RAP1GAP: variants seen among roughly 807,000 people sequenced by gnomAD.
RAP1GAP encodes RAP1 GTPase activating protein, also known as rap1 GTPase-activating protein 1.
Under a neutral mutation model 87.2 loss-of-function variants are expected in RAP1GAP, and 35 were observed. The ratio of observed to expected loss-of-function variants is 0.40; its 90% CI spans 0.31 to 0.53. RAP1GAP has a LOEUF of 0.53. RAP1GAP is among the 20% of genes least tolerant of loss of function. The pLI, the probability that RAP1GAP is intolerant of heterozygous loss-of-function variation, is 0.48. For missense variants in RAP1GAP, 734 were observed against 898.9 expected, an observed-to-expected ratio of 0.82 and a Z score of 2.35; for synonymous variants, 375 against 363.9, an observed-to-expected ratio of 1.03 and a Z score of -0.35.
intron 1 of RAP1GAP, among the ~76,000 whole-genome samples, chr1:21,653,538 G>A (rs2096715995): frequency 7.1e-6 from 1 of 140,988 alleles, no homozygotes; most frequent in Non-Finnish European, 1.6e-5. Context: ...CCTGAGAAGG[G>A]AGGAACTTCC....
chr1:21,634,057 CCGG>C lies in RAP1GAP; in HGVS notation c.-112-7663_-112-7661del, dbSNP rs1323601421. On this transcript the variant is annotated intron_variant, in intron 2 of 24. Coordinates refer to ENST00000374765, the MANE Select transcript of RAP1GAP (RefSeq NM_002885.4). This position sits in a 1 kb window ranked among gnomAD's most constrained non-coding sequence, Gnocchi z 4.1. ...GTGGCTGCCCCAGAACTGCCCCCTC[CCGG>C]GGGGGGGGGGGGGCCACAGAAGCCC... Among the ~76,000 whole-genome samples the C allele has an allele frequency of 5.3e-4, 9 of 17,054 alleles. No individual in the cohort carries two copies. The highest frequency in any genetic ancestry group is 1.8e-3 in the African/African-American group (9 of 4,958). 11.2% of individuals were successfully genotyped at this position (17,054 alleles called of 152,430 possible).
chr1:21,598,101 C>A, intron 22 of RAP1GAP, 37 bp from the exon 23 acceptor site: 1 of 1,352,404 alleles, frequency 7.4e-7, no homozygotes, highest in Non-Finnish European at 1.0e-6. Context: ...CCTCACTGGC[C>A]GCGGGGAGGC....
chr1:21,618,767 A>AGACC, intron 5 of RAP1GAP, among the ~76,000 whole-genome samples: 1 of 152,098 alleles, frequency 6.6e-6, no homozygotes, highest in South Asian at 2.1e-4. Flanking sequence ...GCAGCAGTGA[A>AGACC]GACCGAGAGG....
intron 5 of RAP1GAP, 97 bp downstream of exon 5, chr1:21,618,928 A>C (rs1269677852): frequency 7.3e-7 from 1 of 1,363,050 alleles, no homozygotes; most frequent in African/African-American, 1.4e-5. Flanking sequence ...TACTTGCTGA[A>C]AGGGGATGGA....
chr1:21,628,907 G>A (rs1287278541), intron 2 of RAP1GAP, among the ~76,000 whole-genome samples: 1 of 151,912 alleles, frequency 6.6e-6, no homozygotes, highest in Non-Finnish European at 1.5e-5. Context: ...AAAAGGAGGG[G>A]GGAAGGGAGG....
At chr1:21,631,776 G>T (rs2093789586) in intron 2 of RAP1GAP, among the ~76,000 whole-genome samples, 1 of 152,198 alleles carries the variant, frequency 6.6e-6, no homozygotes, top group Non-Finnish European at 1.5e-5. Flanking sequence ...GCTCAGAGAG[G>T]TTCAGTGACA....
intron 1 of RAP1GAP, chr1:21,651,545 A>G (rs1294509153): frequency 3.0e-6 from 2 of 677,400 alleles, no homozygotes; most frequent in Non-Finnish European, 5.6e-6. Flanking sequence ...ACCTCCCCAC[A>G]CATGCACATG....
chr1:21,634,478 G>T lies in RAP1GAP; in HGVS notation c.-112-8081C>A, dbSNP rs1363229005. The stretch of plus-strand genomic sequence containing the variant: ...GCAGAGGCTTAGTGAGGTTTATGAT[G>T]GGCCAAGGGCCTCAACAGCTACCAA... On this transcript the variant is annotated intron_variant, in intron 2 of 24. Coordinates refer to ENST00000374765, the MANE Select transcript of RAP1GAP (RefSeq NM_002885.4). The surrounding 1 kb of genome is among the most constrained non-coding windows in gnomAD (Gnocchi z 4.1). Among the ~76,000 whole-genome samples, 1 of 152,216 alleles carries T rather than the reference G, an allele frequency of 6.6e-6. No homozygotes were observed. The highest frequency in any genetic ancestry group is 1.5e-5 in the Non-Finnish European group (1 of 68,024).
chr1:21,608,112 C>A, intron 17 of RAP1GAP, 101 bp downstream of exon 17: 1 of 1,514,190 alleles, frequency 6.6e-7, no homozygotes, highest in Non-Finnish European at 8.9e-7. Flanking sequence ...TTCTGCCAGA[C>A]TCCACCCCCA....
rs2089277392 is a variant in RAP1GAP at position 21,622,607 on chromosome 1, C to A, written c.-18-2557G>T. The A allele has an allele frequency of 6.8e-6, 1 of 146,384 alleles. No homozygotes were observed. The highest frequency in any genetic ancestry group is 1.5e-5 in the Non-Finnish European group (1 of 65,830). The allele number at this position is 146,384 out of a possible 1,614,324, so 9.1% of individuals were successfully genotyped here. Reference sequence around the variant, plus strand: ...GGGGCGGGGCGCCAGGTACGGGCGGCACGGCGCGGGGCGGGGCGGGGCGGG... The same window carrying A: ...GGGGCGGGGCGCCAGGTACGGGCGGAACGGCGCGGGGCGGGGCGGGGCGGG... On this transcript the variant is annotated intron_variant, in intron 3 of 24. Coordinates refer to ENST00000374765, the MANE Select transcript of RAP1GAP (RefSeq NM_002885.4). The surrounding 1 kb of genome is among the most constrained non-coding windows in gnomAD (Gnocchi z 5.7).
intron 2 of RAP1GAP, among the ~76,000 whole-genome samples, chr1:21,639,864 G>A (rs1394145694): frequency 1.3e-5 from 2 of 152,226 alleles, no homozygotes; most frequent in Non-Finnish European, 2.9e-5. Flanking sequence ...CTCTGTGGGT[G>A]AGAATGGAGA....
intron 13 of RAP1GAP, 67 bp downstream of exon 13, chr1:21,611,385 G>T (rs970085517): frequency 4.3e-5 from 66 of 1,549,598 alleles, no homozygotes; most frequent in Non-Finnish European, 5.3e-5. Flanking sequence ...CGTGATGGAG[G>T]CTGAACAGAC....
Position 21,599,611 on chromosome 1 carries a change from C to T in RAP1GAP, c.1659G>A (p.Glu553=), listed in dbSNP as rs1380942570. ...GCGCCTCTGCTCTCTGCGCTGCGGT[C>T]TCCGCTCTGCCACAGACAGTGCCCC... The part of the protein sequence containing the change: ...PEMPTTKNRA[E]TAAQRAEALK... Residue 553 remains glutamate, a synonymous_variant, in exon 21 of 25, where the codon GAG becomes GAA. Transcript: ENST00000374765. 12 of 1,604,926 alleles carry T rather than the reference C, an allele frequency of 7.5e-6. No homozygotes were observed. The highest frequency in any genetic ancestry group is 1.3e-5 in the African/African-American group (1 of 74,890).
rs2096911574 is a variant in RAP1GAP, at chr1:21,657,456, T to G, written c.-148-7660A>C. Among the ~76,000 whole-genome samples, 3 of 152,196 alleles carry G rather than the reference T, an allele frequency of 2.0e-5. 1 individual carries two copies. In the South Asian group the frequency reaches 6.2e-4, roughly 32 times the overall value. On this transcript the variant is annotated intron_variant, in intron 1 of 24. Transcript: ENST00000374765. ...ACACCTCACAAACACGCATGGAGCA[T>G]CCAGCTAACTACTGGGAAGAAATAA...
intron 2 of RAP1GAP, among the ~76,000 whole-genome samples, chr1:21,645,350 C>G (rs911948566): frequency 6.6e-6 from 1 of 152,190 alleles, no homozygotes; most frequent in East Asian, 1.9e-4. Flanking sequence ...CATGGTGGCT[C>G]ACGCTTGTAA....
Position 21,622,350 on chromosome 1 carries a change from C to A in RAP1GAP, c.-18-2300G>T, listed in dbSNP as rs1419546243. The A allele has an allele frequency of 8.5e-6, 4 of 469,926 alleles. No individual in the cohort carries two copies. Among genetic ancestry groups the A allele is most frequent in the Non-Finnish European group, 1.5e-5 (4 of 266,038 alleles). The allele number at this position is 469,926 out of a possible 1,614,324, so 29.1% of individuals were successfully genotyped here. ...GCCCGGGTCCTCACCTGCCAGCTGGCCCCCGCGGGCAGCGAGCCCCTCCGC... is the reference window on the plus strand; with the variant it reads ...GCCCGGGTCCTCACCTGCCAGCTGGACCCCGCGGGCAGCGAGCCCCTCCGC... On this transcript the variant is annotated intron_variant, in intron 3 of 24. Transcript: ENST00000374765. The surrounding 1 kb of genome is among the most constrained non-coding windows in gnomAD (Gnocchi z 5.7).
intron 2 of RAP1GAP, among the ~76,000 whole-genome samples, chr1:21,636,535 G>A (rs2094692631): frequency 6.6e-6 from 1 of 152,122 alleles, no homozygotes; most frequent in Non-Finnish European, 1.5e-5. Context: ...GGCAGGGCAT[G>A]GTGGCTCATG....
chr1:21,649,650 T>C (rs2096398614), intron 2 of RAP1GAP, 111 bp downstream of exon 2: 1 of 1,297,972 alleles, frequency 7.7e-7, no homozygotes, highest in African/African-American at 1.5e-5. Flanking sequence ...AGAGGATGGT[T>C]GGAAGCTTGG....
chr1:21,664,665 T>G (rs1205246973), intron 1 of RAP1GAP, among the ~76,000 whole-genome samples: 1 of 152,164 alleles, frequency 6.6e-6, no homozygotes, highest in African/African-American at 2.4e-5. Flanking sequence ...GCTCACCTGG[T>G]GATAGCCATG....
Sources: gnomAD v4.1 joint callset for allele counts (sites outside exome capture counted in the v4.1 genomes callset) on GRCh38, gnomAD v4.1.1 for gene constraint, Gnocchi (gnomAD v3.1) non-coding constraint, MANE v1.5 for transcripts, NCBI Gene and HGNC (gene_info 2026-07-23, HGNC 2026-07-21) for gene names.